Variants in NDUFB3 observed in about 807,000 individuals in gnomAD.
NDUFB3 encodes the protein NADH:ubiquinone oxidoreductase subunit B3.
A neutral mutation model predicts 9.0 loss-of-function variants in NDUFB3; 7 were observed. The observed-to-expected ratio is 0.78, with a 90% CI of 0.44 to 1.46. The LOEUF is 1.46. Among genes scored for constraint, NDUFB3 ranks in the 40% most tolerant of loss-of-function variants. The pLI is 0.01. For missense variants in NDUFB3, 93 were observed against 115.4 expected (o/e 0.81, Z 0.89); for synonymous variants, 29 against 38.5 (o/e 0.75, Z 0.91).
intron 2 of NDUFB3, 100 bp from the exon 3 acceptor site, chr2:201,085,359 G>A: frequency 1.2e-6 from 1 of 857,894 alleles, no homozygotes; most frequent in Non-Finnish European, 1.7e-6. Flanking sequence ...TCTTCTGTAG[G>A]GTAGCATTTA....
chr2:201,078,756 C>T (rs2047192682), intron 1 of NDUFB3, 125 bp from the exon 2 acceptor site: 1 of 928,270 alleles, frequency 1.1e-6, no homozygotes, highest in Non-Finnish European at 1.6e-6. Context: ...CTGGAATTTT[C>T]AAGTATTTAT....
chr2:201,072,567 C>T (rs537274107), intron 1 of NDUFB3, among the ~76,000 whole-genome samples: 2 of 152,264 alleles, frequency 1.3e-5, no homozygotes, highest in East Asian at 3.9e-4. Flanking sequence ...GGTTGATCTT[C>T]ATGAGACTTT....
intron 2 of NDUFB3, 104 bp from the exon 3 acceptor site, chr2:201,085,355 G>A (rs1325996692): frequency 2.4e-6 from 2 of 834,348 alleles, no homozygotes; most frequent in African/African-American, 1.7e-5. Flanking sequence ...ATGATCTTCT[G>A]TAGGGTAGCA....
At chr2:201,079,062 A>C (rs2125534860) in intron 2 of NDUFB3, 40 bp downstream of exon 2, 1 of 1,571,880 alleles carries the variant, frequency 6.4e-7, no homozygotes, top group Non-Finnish European at 8.6e-7. Context: ...TGTATCCTAG[A>C]GAATCAAGTG....
chr2:201,073,261 A>G (rs2047116254), intron 1 of NDUFB3, among the ~76,000 whole-genome samples: 1 of 152,142 alleles, frequency 6.6e-6, no homozygotes, highest in Non-Finnish European at 1.5e-5. Context: ...ATCTATATAA[A>G]TGGGTTCAGA....
At position 201,074,697 on chromosome 2, in the gene NDUFB3, C is replaced by G. The variant is rs190329068; in HGVS notation, c.-3+2638C>G. Among the ~76,000 whole-genome samples, 5 of 152,248 alleles carry G rather than the reference C, an allele frequency of 3.3e-5. No homozygotes were observed. In the East Asian group the frequency reaches 9.7e-4, roughly 29 times the overall value. On this transcript the variant is annotated intron_variant, in intron 1 of 2. Transcript: ENST00000237889. ...GTCTCAACTCCTGGCCTCAAGTGAT[C>G]CACCTGCCTTGGCCTCCCAAATTGC... is the stretch of plus-strand genomic sequence containing the variant.
chr2:201,072,328 G>C (rs2047087942), intron 1 of NDUFB3: 1 of 152,134 alleles, frequency 6.6e-6, no homozygotes, highest in Admixed American at 6.5e-5. Flanking sequence ...GTTTGCCTTT[G>C]GATCGCAAAG....
chr2:201,080,791 C>T (rs1224566292), intron 2 of NDUFB3, among the ~76,000 whole-genome samples: 1 of 150,310 alleles, frequency 6.7e-6, no homozygotes, highest in African/African-American at 2.4e-5. Flanking sequence ...GCCAGCTCCA[C>T]CTCCCGGGTT....
chr2:201,080,353 G>A (rs932243273), intron 2 of NDUFB3, among the ~76,000 whole-genome samples: 9 of 152,148 alleles, frequency 5.9e-5, no homozygotes, highest in African/African-American at 2.2e-4. Flanking sequence ...CGGATCGCTT[G>A]AGCCCAGGAT....
intron 2 of NDUFB3, among the ~76,000 whole-genome samples, chr2:201,084,919 C>G (rs1479949942): frequency 6.6e-6 from 1 of 152,104 alleles, no homozygotes; most frequent in African/African-American, 2.4e-5. Flanking sequence ...ACAGTAATGT[C>G]AAGTGTTACA....
At chr2:201,073,598 C>A (rs1042086966) in intron 1 of NDUFB3, among the ~76,000 whole-genome samples, 1 of 152,042 alleles carries the variant, frequency 6.6e-6, no homozygotes, top group East Asian at 1.9e-4. Context: ...GAAACCCAGT[C>A]TCTACTAAAA....
chr2:201,078,501 A>C (rs1339098857), intron 1 of NDUFB3, among the ~76,000 whole-genome samples: 1 of 152,228 alleles, frequency 6.6e-6, no homozygotes, highest in East Asian at 1.9e-4. Flanking sequence ...GAGTTAATAC[A>C]CATAAAGCAT....
intron 1 of NDUFB3, among the ~76,000 whole-genome samples, chr2:201,076,460 C>A (rs2047163398): frequency 1.5e-5 from 2 of 133,388 alleles, no homozygotes; most frequent in Admixed American, 7.7e-5. Flanking sequence ...GAGCTATGAT[C>A]CAGAGCAAGA....
chr2:201,079,642 C>T (rs2047202652), intron 2 of NDUFB3, among the ~76,000 whole-genome samples: 1 of 152,054 alleles, frequency 6.6e-6, no homozygotes, highest in African/African-American at 2.4e-5. Flanking sequence ...AGGGTTTTGC[C>T]ATGTTGCCCG....
At chr2:201,076,870 G>T (rs1185000243) in intron 1 of NDUFB3, among the ~76,000 whole-genome samples, 1 of 152,152 alleles carries the variant, frequency 6.6e-6, no homozygotes, top group Non-Finnish European at 1.5e-5. Context: ...GGAGGCGGAG[G>T]CGGGCAGATC....
At chr2:201,077,546 G>T (rs2047176998) in intron 1 of NDUFB3, among the ~76,000 whole-genome samples, 1 of 152,180 alleles carries the variant, frequency 6.6e-6, no homozygotes, top group Non-Finnish European at 1.5e-5. Context: ...CCCAGTGCCT[G>T]TTTTTGTAAG....
intron 1 of NDUFB3, among the ~76,000 whole-genome samples, chr2:201,075,521 G>A (rs1267406336): frequency 7.0e-6 from 1 of 143,010 alleles, no homozygotes; most frequent in Non-Finnish European, 1.5e-5. Flanking sequence ...AGCCAAGATT[G>A]CGCCACTGTA....
At chr2:201,083,403 G>A (rs1199964204) in intron 2 of NDUFB3, among the ~76,000 whole-genome samples, 1 of 144,508 alleles carries the variant, frequency 6.9e-6, no homozygotes, top group African/African-American at 2.6e-5. Context: ...TGCCCAGGCT[G>A]GAGTGCAATG....
At chr2:201,072,201 T>C (rs1420670897) in intron 1 of NDUFB3, 142 bp downstream of exon 1, 1 of 152,320 alleles carries the variant, frequency 6.6e-6, no homozygotes, top group Non-Finnish European at 1.5e-5. Flanking sequence ...CGAGAACTAA[T>C]GAAGTCCTAG....
Sources: gnomAD v4.1 joint callset for allele counts (sites outside exome capture counted in the v4.1 genomes callset) on GRCh38, gnomAD v4.1.1 for gene constraint, MANE v1.5 for transcripts, NCBI Gene and HGNC (gene_info 2026-07-23, HGNC 2026-07-21) for gene names.